The following DPF3 variants were observed in gnomAD, a reference collection of about 807,000 sequenced individuals.
DPF3 encodes the protein double PHD fingers 3, also known as zinc finger protein DPF3.
In DPF3, 18 loss-of-function variants were observed where a neutral mutation model predicts 56.8. That is an observed-to-expected ratio of 0.32 (90% CI 0.22 to 0.47). The LOEUF (loss-of-function observed/expected upper bound fraction) is 0.47. DPF3 is among the 20% of genes least tolerant of loss of function. DPF3 has a pLI of 1.00. For synonymous variants in DPF3, 188 were observed against 180.2 expected (o/e 1.04, Z -0.35); for missense variants, 403 against 488.8 (o/e 0.82, Z 1.65).
At chr14:72,676,734 C>A (rs1016839430) in intron 7 of DPF3, among the ~76,000 whole-genome samples, 1 of 152,190 alleles carries the variant, frequency 6.6e-6, no homozygotes, top group Non-Finnish European at 1.5e-5. Context: ...CTTTGCTCCT[C>A]CTTTGCCTTC....
chr14:72,776,487 T>C (rs1891748991), intron 1 of DPF3, among the ~76,000 whole-genome samples: 3 of 152,126 alleles, frequency 2.0e-5, no homozygotes, highest in Non-Finnish European at 4.4e-5. Flanking sequence ...GCAACCCTCC[T>C]TGAGCCTATC....
chr14:72,803,128 G>T (rs1460100125), intron 1 of DPF3, among the ~76,000 whole-genome samples: 1 of 152,176 alleles, frequency 6.6e-6, no homozygotes, highest in African/African-American at 2.4e-5. Flanking sequence ...ACTGAAGCAG[G>T]CCCCTTCCAA....
intron 7 of DPF3, among the ~76,000 whole-genome samples, chr14:72,689,506 G>A (rs983959608): frequency 5.9e-5 from 9 of 152,112 alleles, no homozygotes; most frequent in Non-Finnish European, 1.0e-4. Flanking sequence ...GGAGGATCAC[G>A]AAGCTGAGAC....
chr14:72,849,138 A>G (rs896737825), intron 1 of DPF3, among the ~76,000 whole-genome samples: 4 of 152,216 alleles, frequency 2.6e-5, no homozygotes, highest in African/African-American at 9.6e-5. Context: ...TACTCTCTTC[A>G]TAACCAATCT....
chr14:72,818,184 T>C lies in DPF3; in HGVS notation c.33-46291A>G, dbSNP rs371935804. 1.5e-4 allele frequency among the ~76,000 whole-genome samples: 22 copies of C among 151,634 alleles called. No individual in the cohort carries two copies. The East Asian group carries it at 2.5e-3, about 17-fold the overall frequency. On this transcript the variant is annotated intron_variant, in intron 1 of 10. Coordinates refer to ENST00000556509, the MANE Select transcript of DPF3 (RefSeq NM_001280542.3). Reference sequence around the variant, plus strand: ...TGAACCCAGGAGTCAGAAGTTGCAGTGAGCAGTGATCGAGCCACTGCACTC... The same window carrying C: ...TGAACCCAGGAGTCAGAAGTTGCAGCGAGCAGTGATCGAGCCACTGCACTC...
chr14:72,661,516 G>C (rs1041358507), intron 8 of DPF3: 1 of 985,458 alleles, frequency 1.0e-6, no homozygotes, highest in East Asian at 1.1e-4. Flanking sequence ...CAGTGCAGTG[G>C]GGAGCCTGCG....
chr14:72,893,026 T>A lies in DPF3; in HGVS notation c.32+1031A>T, dbSNP rs554919283. 8.0e-4 allele frequency among the ~76,000 whole-genome samples: 100 copies of A among 125,330 alleles called. 6 individuals carry two copies. Among genetic ancestry groups the A allele is most frequent in the Non-Finnish European group, 1.1e-3 (60 of 55,634 alleles). 82.2% of individuals were successfully genotyped at this position (125,330 alleles called of 152,430 possible). On this transcript the variant is annotated intron_variant, in intron 1 of 10. Transcript: ENST00000556509. ...AAGGAAGGAAGGAAGGAAGGAAGGA[T>A]GAAAAGGAGGAGGAAGGCAGGCAGG...
intron 3 of DPF3, among the ~76,000 whole-genome samples, chr14:72,744,845 G>T (rs1330397475): frequency 1.3e-5 from 2 of 152,138 alleles, no homozygotes; most frequent in African/African-American, 4.8e-5. Context: ...GTCTGACGTG[G>T]AAAGAAACTC....
At chr14:72,850,581 G>A (rs1279257409) in intron 1 of DPF3, among the ~76,000 whole-genome samples, 1 of 152,178 alleles carries the variant, frequency 6.6e-6, no homozygotes, top group Non-Finnish European at 1.5e-5. Context: ...CCATGTGGCT[G>A]CCCCAATGCC....
chr14:72,851,338 A>G (rs1487050146), intron 1 of DPF3, among the ~76,000 whole-genome samples: 1 of 152,218 alleles, frequency 6.6e-6, no homozygotes, highest in Non-Finnish European at 1.5e-5. Flanking sequence ...TCTGTCCTCA[A>G]AACAAGCCTT....
chr14:72,735,966 C>A (rs1474034820), intron 3 of DPF3, among the ~76,000 whole-genome samples: 1 of 152,188 alleles, frequency 6.6e-6, no homozygotes, highest in Non-Finnish European at 1.5e-5. Context: ...AAAATTAGAT[C>A]ATATACGTAA....
chr14:72,885,602 T>C lies in DPF3; in HGVS notation c.32+8455A>G, dbSNP rs1051936591. Among the ~76,000 whole-genome samples, 10 of 151,786 alleles carry C rather than the reference T, an allele frequency of 6.6e-5. 1 individual carries two copies. The highest frequency in any genetic ancestry group is 6.6e-4 in the Admixed American group (10 of 15,226). The stretch of plus-strand genomic sequence containing the variant: ...TATTTTTTGTAGCGACAGGGTCTCA[T>C]GATATGTCCAGGCTGGTCTTGAATG... On this transcript the variant is annotated intron_variant, in intron 1 of 10. Transcript: ENST00000556509.
intron 7 of DPF3, among the ~76,000 whole-genome samples, chr14:72,675,094 T>C (rs1257523509): frequency 6.6e-6 from 1 of 152,222 alleles, no homozygotes; most frequent in Non-Finnish European, 1.5e-5. Context: ...TTACTGAGCA[T>C]GTCTTTAGGC....
chr14:72,859,474 C>G (rs1163869697), intron 1 of DPF3, among the ~76,000 whole-genome samples: 31 of 96,242 alleles, frequency 3.2e-4, no homozygotes, highest in Middle Eastern at 4.7e-3. Context: ...CTTCCTCCCC[C>G]CCCCCCCCCA....
rs147409858 is a variant in DPF3, at chr14:72,859,159, C to T, written c.32+34898G>A. On this transcript the variant is annotated intron_variant, in intron 1 of 10. Coordinates refer to ENST00000556509, the MANE Select transcript of DPF3 (RefSeq NM_001280542.3). Reference sequence around the variant, plus strand: ...TGTCTGAGATTTATTTCAAAGTAATCTCTAGTGTGAGAGGGTAGGAGTAGG... The same window carrying T: ...TGTCTGAGATTTATTTCAAAGTAATTTCTAGTGTGAGAGGGTAGGAGTAGG... 6.6e-3 allele frequency among the ~76,000 whole-genome samples: 997 copies of T among 152,194 alleles called. 15 individuals carry two copies. The highest frequency in any genetic ancestry group is 0.023 in the African/African-American group (937 of 41,532).
chr14:72,643,866 G>A (rs536000840), intron 8 of DPF3, among the ~76,000 whole-genome samples: 206 of 152,304 alleles, frequency 1.4e-3, no homozygotes, highest in Middle Eastern at 3.4e-3. Flanking sequence ...ACACAGGAAG[G>A]ATCCCCTTTT....
At chr14:72,889,723 T>A (rs1376826378) in intron 1 of DPF3, among the ~76,000 whole-genome samples, 1 of 152,158 alleles carries the variant, frequency 6.6e-6, no homozygotes, top group Non-Finnish European at 1.5e-5. Context: ...CACAAAGAGA[T>A]CTAGATTTGA....
chr14:72,723,920 T>C, intron 4 of DPF3, 192 bp from the exon 5 acceptor site: 1 of 542,330 alleles, frequency 1.8e-6, no homozygotes, highest in East Asian at 3.4e-5. Context: ...GAGGCTCTCC[T>C]AAGCCCTTGG....
At chr14:72,877,481 G>GA (rs1430723217) in intron 1 of DPF3, among the ~76,000 whole-genome samples, 1 of 152,172 alleles carries the variant, frequency 6.6e-6, no homozygotes, top group Non-Finnish European at 1.5e-5. Context: ...GCAGGAAAGG[G>GA]ATGAGAACAA....
Sources: allele counts gnomAD v4.1 joint callset (sites outside exome capture counted in the v4.1 genomes callset), GRCh38; gene constraint gnomAD v4.1.1; transcripts MANE v1.5; gene names NCBI Gene and HGNC (gene_info 2026-07-23, HGNC 2026-07-21).